DLGAP4: variants seen among roughly 807,000 people sequenced by gnomAD.
DLGAP4 encodes the protein DLG associated protein 4, also known as disks large-associated protein 4.
A neutral mutation model predicts 86.9 loss-of-function variants in DLGAP4; 18 were observed. That is an observed-to-expected ratio of 0.21 (90% CI 0.14 to 0.31). DLGAP4 has a LOEUF of 0.31. Among genes scored for constraint, DLGAP4 ranks in the 10% least tolerant of loss-of-function variants. The pLI is 1.00. For synonymous variants in DLGAP4, 548 were observed against 574.3 expected, an observed-to-expected ratio of 0.95 and a Z score of 0.65; for missense variants, 1,085 against 1,362.6, an observed-to-expected ratio of 0.80 and a Z score of 3.21.
intron 2 of DLGAP4, among the ~76,000 whole-genome samples, chr20:36,408,423 AT>A (rs1176281902): frequency 6.6e-6 from 1 of 152,108 alleles, no homozygotes; most frequent in Admixed American, 6.6e-5. Context: ...CCCATCCGTC[AT>A]TGGTTGAGGG....
chr20:36,461,257 T>C (rs1165118199), intron 7 of DLGAP4: 1 of 32,286 alleles, frequency 3.1e-5, no homozygotes, highest in Non-Finnish European at 5.2e-5. Flanking sequence ...GCGCGCTCCT[T>C]TCCTGGGCCG....
intron 2 of DLGAP4, among the ~76,000 whole-genome samples, chr20:36,406,853 G>A (rs543678297): frequency 6.6e-6 from 1 of 152,192 alleles, no homozygotes; most frequent in South Asian, 2.1e-4. Flanking sequence ...CCCCCACATT[G>A]CGCAGACAGG....
At chr20:36,440,885 A>G (rs2033427976) in intron 5 of DLGAP4, among the ~76,000 whole-genome samples, 1 of 151,998 alleles carries the variant, frequency 6.6e-6, no homozygotes, top group Non-Finnish European at 1.5e-5. Context: ...CAGGCCCAGG[A>G]CCACGGCTAG....
rs779385522 is a variant in DLGAP4, at chr20:36,466,289, A to G, written c.1648+19352A>G. 2.0e-5 allele frequency among the ~76,000 whole-genome samples: 3 copies of G among 152,100 alleles called. No homozygotes were observed. In the South Asian group the frequency reaches 6.2e-4, roughly 32 times the overall value. Reference sequence around the variant, plus strand: ...TTTCTGTACCTCCGTTTTCCTCCCTATCAGATTGGGATGGAAATGAGAACT... The same window carrying G: ...TTTCTGTACCTCCGTTTTCCTCCCTGTCAGATTGGGATGGAAATGAGAACT... On this transcript the variant is annotated intron_variant, in intron 7 of 12. Transcript: ENST00000339266.
intron 2 of DLGAP4, among the ~76,000 whole-genome samples, chr20:36,420,148 G>A (rs990047396): frequency 9.9e-5 from 15 of 152,152 alleles, no homozygotes; most frequent in South Asian, 2.1e-4. Context: ...ATTTCTTGGC[G>A]TCCCCAAGGC....
At chr20:36,396,517 A>T (rs890586280) in intron 2 of DLGAP4, among the ~76,000 whole-genome samples, 14 of 81,742 alleles carry the variant, frequency 1.7e-4, no homozygotes, top group Non-Finnish European at 3.2e-4. Context: ...CACACACCAC[A>T]TACATACACG....
intron 7 of DLGAP4, among the ~76,000 whole-genome samples, chr20:36,459,797 G>A (rs1164075357): frequency 6.6e-6 from 1 of 152,148 alleles, no homozygotes; most frequent in South Asian, 2.1e-4. Flanking sequence ...AGTAGAGACG[G>A]GATTTCTCCA....
intron 7 of DLGAP4, among the ~76,000 whole-genome samples, chr20:36,494,790 C>G (rs1053791960): frequency 2.0e-5 from 3 of 152,232 alleles, no homozygotes; most frequent in Non-Finnish European, 4.4e-5. Flanking sequence ...TCTGCCCTAG[C>G]AACTACTAAT....
At chr20:36,395,988 C>T in intron 2 of DLGAP4, among the ~76,000 whole-genome samples, 1 of 152,094 alleles carries the variant, frequency 6.6e-6, no homozygotes, top group East Asian at 1.9e-4. Flanking sequence ...TAGATTGAGG[C>T]CCAGGCCTGC....
At chr20:36,463,169 C>T (rs756158090) in intron 7 of DLGAP4, among the ~76,000 whole-genome samples, 67 of 152,138 alleles carry the variant, frequency 4.4e-4, no homozygotes, top group Admixed American at 1.5e-3. Context: ...ATCTGACCAC[C>T]CTGAGGATTG....
intron 1 of DLGAP4, among the ~76,000 whole-genome samples, chr20:36,343,812 G>A (rs894739256): frequency 2.0e-5 from 3 of 152,204 alleles, no homozygotes; most frequent in South Asian, 2.1e-4. Flanking sequence ...CCTCTCCCCG[G>A]TACTCAGATG....
rs780916360 is a variant in DLGAP4 at position 36,502,250 on chromosome 20, ATAT to A, written c.2512+1647_2512+1649del. Among the ~76,000 whole-genome samples, 14 of 152,324 alleles carry A rather than the reference ATAT, an allele frequency of 9.2e-5. No homozygotes were observed. The East Asian group carries it at 1.9e-3, about 21-fold the overall frequency. ...ATTGTTTATTGCAGAGCCTAACAGT[ATAT>A]TATTATTGCGTTTTCTTCTTTTTAC... On this transcript the variant is annotated intron_variant, in intron 10 of 12. Coordinates refer to ENST00000339266, the MANE Select transcript of DLGAP4 (RefSeq NM_001365621.2).
At chr20:36,327,718 A>T (rs2065229856) in intron 1 of DLGAP4, among the ~76,000 whole-genome samples, 1 of 145,786 alleles carries the variant, frequency 6.9e-6, no homozygotes, top group Non-Finnish European at 1.5e-5. Flanking sequence ...CAGCCTCCCA[A>T]GTAGCTGGGA....
intron 10 of DLGAP4, among the ~76,000 whole-genome samples, chr20:36,516,094 C>CTGCTTCCACTGCTTT (rs1456625423): frequency 6.6e-6 from 1 of 152,236 alleles, no homozygotes; most frequent in African/African-American, 2.4e-5. Context: ...CGCACTGCTT[C>CTGCTTCCACTGCTTT]TGCTTCCACT....
At chr20:36,510,156 C>T (rs994154944) in intron 10 of DLGAP4, among the ~76,000 whole-genome samples, 1 of 151,642 alleles carries the variant, frequency 6.6e-6, no homozygotes, top group Non-Finnish European at 1.5e-5. Flanking sequence ...TTTCTTTCTT[C>T]AGTGTTTAGT....
chr20:36,454,886 T>C (rs2033839928), intron 7 of DLGAP4, among the ~76,000 whole-genome samples: 1 of 152,234 alleles, frequency 6.6e-6, no homozygotes. Context: ...CCAGTGCCAC[T>C]ACTGCTGTCC....
intron 2 of DLGAP4, among the ~76,000 whole-genome samples, chr20:36,407,030 C>G (rs941220894): frequency 1.3e-5 from 2 of 152,068 alleles, no homozygotes; most frequent in African/African-American, 4.8e-5. Flanking sequence ...TATCCTAGCT[C>G]TGCTACTTAC....
intron 10 of DLGAP4, among the ~76,000 whole-genome samples, chr20:36,516,546 A>G (rs1452655276): frequency 1.3e-5 from 2 of 151,688 alleles, no homozygotes; most frequent in African/African-American, 4.8e-5. Flanking sequence ...TGCACCTGTA[A>G]TCCCAGCTAC....
At chr20:36,326,295 CTCTTT>C (rs2065215209) in intron 1 of DLGAP4, among the ~76,000 whole-genome samples, 1 of 152,130 alleles carries the variant, frequency 6.6e-6, no homozygotes, top group Non-Finnish European at 1.5e-5. Flanking sequence ...TTCTTTGTTT[CTCTTT>C]TCTTATTTTT....
Sources: gnomAD v4.1 joint callset for allele counts (sites outside exome capture counted in the v4.1 genomes callset) on GRCh38, gnomAD v4.1.1 for gene constraint, MANE v1.5 for transcripts, NCBI Gene and HGNC (gene_info 2026-07-23, HGNC 2026-07-21) for gene names.